The following ESRRG variants were observed in gnomAD, a reference collection of about 807,000 sequenced individuals.
ESRRG encodes the protein estrogen related receptor gamma, also known as estrogen-related receptor gamma.
In ESRRG, 13 loss-of-function variants were observed where a neutral mutation model predicts 44.0. The observed-to-expected ratio is 0.30, with a 90% CI of 0.19 to 0.47. The LOEUF (loss-of-function observed/expected upper bound fraction) is 0.47, where lower values mean the gene tolerates loss of function less well. ESRRG is among the 20% of genes least tolerant of loss of function. The pLI, the probability that ESRRG is intolerant of heterozygous loss-of-function variation, is 1.00. For missense variants in ESRRG, 395 were observed against 580.6 expected, an observed-to-expected ratio of 0.68 and a Z score of 3.29; for synonymous variants, 215 against 214.6, an observed-to-expected ratio of 1.00 and a Z score of -0.02.
intron 2 of ESRRG, among the ~76,000 whole-genome samples, chr1:216,675,599 TAGCATGGTCTAG>T (rs1184911377): frequency 3.9e-5 from 6 of 152,166 alleles, no homozygotes; most frequent in Non-Finnish European, 8.8e-5. Flanking sequence ...GAATCAGCAG[TAGCATGGTCTAG>T]AGCAGGGGGT....
At chr1:216,948,507 A>T (rs2066448432) in intron 1 of ESRRG, among the ~76,000 whole-genome samples, 1 of 151,086 alleles carries the variant, frequency 6.6e-6, no homozygotes, top group Admixed American at 6.6e-5. Flanking sequence ...AAAGAAAGAA[A>T]CAGGGGACCT....
At chr1:216,878,665 C>T (rs2096395179) in intron 2 of ESRRG, among the ~76,000 whole-genome samples, 4 of 152,094 alleles carry the variant, frequency 2.6e-5, no homozygotes, top group Non-Finnish European at 2.9e-5. Context: ...GTCTTTTCCC[C>T]GTTAATTTTT....
At chr1:216,827,409 C>G (rs1034649352) in intron 2 of ESRRG, among the ~76,000 whole-genome samples, 1 of 152,150 alleles carries the variant, frequency 6.6e-6, no homozygotes, top group African/African-American at 2.4e-5. Context: ...TAGCATCTGA[C>G]AATAACTGCA....
chr1:216,940,285 G>A (rs1474900006), intron 1 of ESRRG, among the ~76,000 whole-genome samples: 1 of 152,172 alleles, frequency 6.6e-6, no homozygotes, highest in East Asian at 1.9e-4. Flanking sequence ...GTCTGTCAAA[G>A]GAAGCTACTG....
intron 1 of ESRRG, among the ~76,000 whole-genome samples, chr1:217,124,981 G>C (rs1225412068): frequency 6.6e-6 from 1 of 152,262 alleles, no homozygotes; most frequent in African/African-American, 2.4e-5. Flanking sequence ...CAACCCTTCT[G>C]TCTTAACCAT....
intron 2 of ESRRG, among the ~76,000 whole-genome samples, chr1:216,772,760 A>T (rs1023681235): frequency 6.6e-6 from 1 of 151,990 alleles, no homozygotes; most frequent in Non-Finnish European, 1.5e-5. Context: ...TAGATTCCCA[A>T]ATAGCTTAGT....
intron 1 of ESRRG, among the ~76,000 whole-genome samples, chr1:216,710,099 G>A (rs981297736): frequency 6.6e-6 from 1 of 152,170 alleles, no homozygotes; most frequent in Non-Finnish European, 1.5e-5. Flanking sequence ...ACACTGTTTA[G>A]TAAACAAGGC....
At chr1:216,822,512 T>A (rs960804924) in intron 2 of ESRRG, among the ~76,000 whole-genome samples, 2 of 152,196 alleles carry the variant, frequency 1.3e-5, no homozygotes, top group African/African-American at 4.8e-5. Flanking sequence ...GAAGGAATCA[T>A]GGCCTTAAAG....
chr1:217,075,590 C>T (rs1171422141), intron 1 of ESRRG, among the ~76,000 whole-genome samples: 1 of 71,710 alleles, frequency 1.4e-5, no homozygotes, highest in East Asian at 1.6e-3. Context: ...TTGCTCCTTT[C>T]CCCCCCCCAA....
At chr1:216,588,866 C>T (rs542540350) in intron 3 of ESRRG, among the ~76,000 whole-genome samples, 3 of 152,216 alleles carry the variant, frequency 2.0e-5, no homozygotes, top group South Asian at 2.1e-4. Flanking sequence ...GGGAATCTAT[C>T]GGGTACTTCT....
At chr1:217,013,678 T>G (rs2078953890) in intron 1 of ESRRG, among the ~76,000 whole-genome samples, 1 of 152,174 alleles carries the variant, frequency 6.6e-6, no homozygotes, top group South Asian at 2.1e-4. Context: ...TGCTTACTTT[T>G]TGAAGTATAC....
rs141125413 is a variant in ESRRG, at chr1:216,994,866, T to C, written c.-105-55193A>G. Among the ~76,000 whole-genome samples the C allele has an allele frequency of 6.6e-3, 1,011 of 152,266 alleles. 7 individuals are homozygous for C. Among genetic ancestry groups the C allele is most frequent in the Non-Finnish European group, 7.6e-3 (519 of 68,016 alleles). ...TCTCAAAGTGCTGGGATTACAGGTGTGAGCCACCGTGCCCGGCCCCGTCCA... is the reference window on the plus strand; with the variant it reads ...TCTCAAAGTGCTGGGATTACAGGTGCGAGCCACCGTGCCCGGCCCCGTCCA... On this transcript the variant is annotated intron_variant, in intron 1 of 7. Transcript: ENST00000359162.
At chr1:216,667,829 T>C (rs1361096313) in intron 2 of ESRRG, among the ~76,000 whole-genome samples, 1 of 151,838 alleles carries the variant, frequency 6.6e-6, no homozygotes, top group African/African-American at 2.4e-5. Context: ...CTGGGCGCGG[T>C]GGCTCACGCT....
intron 2 of ESRRG, among the ~76,000 whole-genome samples, chr1:216,663,971 T>C (rs2073219373): frequency 6.6e-6 from 1 of 152,124 alleles, no homozygotes; most frequent in Non-Finnish European, 1.5e-5. Flanking sequence ...AGCTTCACAT[T>C]TAAGGGATTT....
At chr1:216,727,290 A>G (rs1208287306), upstream of ESRRG, among the ~76,000 whole-genome samples, 1 of 152,190 alleles carries the variant, frequency 6.6e-6, no homozygotes, top group Non-Finnish European at 1.5e-5. Flanking sequence ...GCTGTTTTAA[A>G]TGTATCATAT....
At chr1:216,637,137 C>T (rs2065449873) in intron 3 of ESRRG, among the ~76,000 whole-genome samples, 1 of 152,118 alleles carries the variant, frequency 6.6e-6, no homozygotes, top group Non-Finnish European at 1.5e-5. Flanking sequence ...GCAACCTGGA[C>T]AGCCTCTCGG....
intron 2 of ESRRG, among the ~76,000 whole-genome samples, chr1:216,746,911 AC>A (rs2091464335): frequency 6.6e-6 from 1 of 152,154 alleles, no homozygotes; most frequent in Non-Finnish European, 1.5e-5. Context: ...TTTCCTTAAA[AC>A]GGCCTTATTT....
chr1:216,849,538 A>G (rs1022391845), intron 2 of ESRRG, among the ~76,000 whole-genome samples: 8 of 152,130 alleles, frequency 5.3e-5, no homozygotes, highest in African/African-American at 1.9e-4. Flanking sequence ...TTGATAGCAA[A>G]CGAACAGAAA....
intron 1 of ESRRG, among the ~76,000 whole-genome samples, chr1:217,001,518 T>G (rs2077031697): frequency 6.6e-6 from 1 of 152,252 alleles, no homozygotes. Context: ...GTAGTGGATA[T>G]AGACCTCATT....
Sources: allele counts gnomAD v4.1 joint callset (sites outside exome capture counted in the v4.1 genomes callset), GRCh38; gene constraint gnomAD v4.1.1; transcripts MANE v1.5; gene names NCBI Gene and HGNC (gene_info 2026-07-23, HGNC 2026-07-21).